The following KALRN variants were observed in gnomAD, a reference collection of about 807,000 sequenced individuals.
KALRN encodes kalirin.
A neutral mutation model predicts 353.7 loss-of-function variants in KALRN; 70 were observed. That is an observed-to-expected ratio of 0.20 (90% CI 0.16 to 0.24). KALRN has a LOEUF of 0.24. Among genes scored for constraint, KALRN ranks in the 10% least tolerant of loss-of-function variants. KALRN has a pLI of 1.00. For missense variants in KALRN, 2,791 were observed against 3,756.7 expected, an observed-to-expected ratio of 0.74 and a Z score of 6.72; for synonymous variants, 1,391 against 1,434.8, an observed-to-expected ratio of 0.97 and a Z score of 0.69.
intron 1 of KALRN, among the ~76,000 whole-genome samples, chr3:124,222,444 T>A (rs1192562225): frequency 6.6e-6 from 1 of 151,796 alleles, no homozygotes. Flanking sequence ...GGGTGATGAG[T>A]AGTGTTAGAT....
intron 45 of KALRN, among the ~76,000 whole-genome samples, chr3:124,665,517 T>G (rs915875883): frequency 2.0e-5 from 3 of 152,198 alleles, no homozygotes; most frequent in Non-Finnish European, 2.9e-5. Context: ...CAGGTTGGAG[T>G]GCAGTGGTGC....
At chr3:124,603,353 A>G (rs2077007031) in intron 34 of KALRN, among the ~76,000 whole-genome samples, 1 of 152,180 alleles carries the variant, frequency 6.6e-6, no homozygotes, top group Admixed American at 6.5e-5. Context: ...TAGCCTTGGC[A>G]GCCTCTAATT....
At chr3:124,665,968 C>T (rs1278006413) in intron 45 of KALRN, among the ~76,000 whole-genome samples, 1 of 152,116 alleles carries the variant, frequency 6.6e-6, no homozygotes, top group East Asian at 1.9e-4. Flanking sequence ...CATCACTTCC[C>T]TTGTCTACAG....
chr3:124,679,826 A>G, intron 51 of KALRN: 1 of 423,296 alleles, frequency 2.4e-6, no homozygotes, highest in Non-Finnish European at 4.4e-6. Context: ...TGAAACTTAG[A>G]ACACATTTTT....
chr3:124,263,120 G>T (rs1276579725), intron 3 of KALRN, among the ~76,000 whole-genome samples: 1 of 152,044 alleles, frequency 6.6e-6, no homozygotes, highest in Non-Finnish European at 1.5e-5. Context: ...TATAGTCAAA[G>T]TTCAAATGTT....
At chr3:124,337,749 T>G (rs946171467) in intron 9 of KALRN, among the ~76,000 whole-genome samples, 3 of 152,226 alleles carry the variant, frequency 2.0e-5, no homozygotes, top group Non-Finnish European at 4.4e-5. Context: ...TCTGTTAGAA[T>G]TCGGCTGTGA....
intron 10 of KALRN, among the ~76,000 whole-genome samples, chr3:124,376,016 T>A (rs1445639): frequency 0.41 from 62,669 of 152,040 alleles, 13,505 homozygotes; most frequent in East Asian, 0.74. Context: ...TCTAAAAATA[T>A]GCCTTTTATA....
chr3:124,169,803 C>T (rs571650615), intron 1 of KALRN, among the ~76,000 whole-genome samples: 1 of 152,274 alleles, frequency 6.6e-6, no homozygotes, highest in Admixed American at 6.5e-5. Flanking sequence ...GGACAGTTCT[C>T]TCTGGGACTC....
In KALRN at chr3:124,430,696, C is replaced by A; in HGVS notation, c.2750C>A (p.Ala917Asp). The A allele has an allele frequency of 6.2e-7, 1 of 1,614,188 alleles. No homozygotes were observed. Among genetic ancestry groups the A allele is most frequent in the East Asian group, 2.2e-5 (1 of 44,882 alleles). The change falls in exon 16 of 60, where the codon GCC (alanine) becomes GAC (aspartate). Residue 917 changes from alanine to aspartate, a missense_variant. This residue lies in a region of KALRN where 452 missense variants were observed against 575.8 expected (regional missense o/e 0.78). Coordinates refer to ENST00000682506, the MANE Select transcript of KALRN (RefSeq NM_001388419.1). ...CGCAATGGAGAGTCAATGCTCAACGCCAGCCTGGTCAATGCCAGCTCTTTG... is the reference window on the plus strand; with the variant it reads ...CGCAATGGAGAGTCAATGCTCAACGACAGCCTGGTCAATGCCAGCTCTTTG... ...WIRNGESMLNASLVNASSLSE... is the reference protein window; with the variant it reads ...WIRNGESMLNDSLVNASSLSE...
chr3:124,427,310 A>C (rs1430751687), intron 15 of KALRN, among the ~76,000 whole-genome samples: 1 of 152,236 alleles, frequency 6.6e-6, no homozygotes, highest in Admixed American at 6.5e-5. Flanking sequence ...AGTAAGGAAC[A>C]CTGGACATAT....
At chr3:124,448,783 G>A (rs936879472) in intron 21 of KALRN, among the ~76,000 whole-genome samples, 2 of 152,108 alleles carry the variant, frequency 1.3e-5, no homozygotes, top group Admixed American at 6.5e-5. Context: ...TAAGCCGACA[G>A]GATACTTAAA....
At chr3:124,554,107 G>A (rs1223986880) in intron 33 of KALRN, among the ~76,000 whole-genome samples, 1 of 152,246 alleles carries the variant, frequency 6.6e-6, no homozygotes, top group Non-Finnish European at 1.5e-5. Flanking sequence ...TGTAACTCTA[G>A]CACTTTGGGA....
At chr3:124,169,959 A>T (rs772280070) in intron 1 of KALRN, among the ~76,000 whole-genome samples, 7 of 152,198 alleles carry the variant, frequency 4.6e-5, no homozygotes, top group African/African-American at 1.4e-4. Context: ...CAAGAGGCAG[A>T]TGCCCATTGT....
At chr3:124,134,866 C>T (rs190793685) in intron 1 of KALRN, among the ~76,000 whole-genome samples, 8 of 152,078 alleles carry the variant, frequency 5.3e-5, no homozygotes, top group Middle Eastern at 6.8e-3. Context: ...AATAAGAAAA[C>T]AAAAAAACAG....
chr3:124,484,096 A>G (rs2062283569), intron 28 of KALRN, among the ~76,000 whole-genome samples: 3 of 152,244 alleles, frequency 2.0e-5, no homozygotes, highest in Non-Finnish European at 4.4e-5. Context: ...GATGTAATTC[A>G]GCTCATGTTT....
intron 2 of KALRN, among the ~76,000 whole-genome samples, chr3:124,228,395 C>G (rs1314979374): frequency 6.6e-6 from 1 of 152,204 alleles, no homozygotes; most frequent in African/African-American, 2.4e-5. Flanking sequence ...GAGTTCATTT[C>G]TGCATGGATC....
intron 3 of KALRN, among the ~76,000 whole-genome samples, chr3:124,254,050 C>T (rs1283588794): frequency 2.6e-5 from 4 of 152,090 alleles, no homozygotes; most frequent in Non-Finnish European, 4.4e-5. Flanking sequence ...CAAACAGGGT[C>T]AGGCCATTTC....
In KALRN at chr3:124,398,820, C is replaced by G; in HGVS notation, c.2295C>G (p.Ile765Met). The change falls in exon 13 of 60, where the codon ATC becomes ATG. Residue 765 changes from isoleucine (I) to methionine (M), a missense_variant. Ile to Met is a conservative substitution (Grantham distance 10). This residue lies in a region of KALRN where 452 missense variants were observed against 575.8 expected (regional missense o/e 0.78). Transcript: ENST00000682506. Reference protein sequence around the residue: ...QMEELFHERKIKLDIFLQLRI... With the variant: ...QMEELFHERKMKLDIFLQLRI... The stretch of plus-strand genomic sequence containing the variant: ...AGGAGCTGTTCCACGAGCGGAAGAT[C>G]AAGCTGGACATCTTCCTGCAACTGC... 3 of 1,614,078 alleles carry G rather than the reference C, an allele frequency of 1.9e-6. No individual in the cohort carries two copies. The highest frequency in any genetic ancestry group is 4.5e-5 in the East Asian group (2 of 44,864).
intron 1 of KALRN, among the ~76,000 whole-genome samples, chr3:124,147,241 C>T (rs191042425): frequency 2.5e-4 from 38 of 152,264 alleles, no homozygotes; most frequent in African/African-American, 7.5e-4. Context: ...AGAGGGAGCA[C>T]AGGCAATAGG....
Sources: gnomAD v4.1 joint callset for allele counts (sites outside exome capture counted in the v4.1 genomes callset) on GRCh38, gnomAD v4.1.1 for gene constraint, gnomAD v4.1.1 regional missense constraint, MANE v1.5 for transcripts, NCBI Gene and HGNC (gene_info 2026-07-23, HGNC 2026-07-21) for gene names.